The following ABCC4 variants were observed in gnomAD, a reference collection of about 807,000 sequenced individuals.
ABCC4 encodes ATP-binding cassette sub-family C member 4.
In ABCC4, 102 loss-of-function variants were observed where a neutral mutation model predicts 168.5. That is an observed-to-expected ratio of 0.61 (90% CI 0.52 to 0.71). The LOEUF (loss-of-function observed/expected upper bound fraction) is 0.71, where lower values mean the gene tolerates loss of function less well. Among genes scored for constraint, ABCC4 ranks in the 30% least tolerant of loss-of-function variants. The pLI is 0.00. For synonymous variants in ABCC4, 617 were observed against 590.7 expected (o/e 1.04, Z -0.65); for missense variants, 1,402 against 1,605.8 (o/e 0.87, Z 2.17).
chr13:95,210,589 T>C (rs1942984746), intron 5 of ABCC4, 103 bp downstream of exon 5: 5 of 950,210 alleles, frequency 5.3e-6, no homozygotes, highest in Non-Finnish European at 8.1e-6. Context: ...ATCCTGCCAC[T>C]GCAATCCAGT....
intron 25 of ABCC4, among the ~76,000 whole-genome samples, chr13:95,063,903 T>A (rs2033396277): frequency 6.6e-6 from 1 of 152,184 alleles, no homozygotes; most frequent in Non-Finnish European, 1.5e-5. Context: ...ATCCTCCTTA[T>A]TTAGAAATCT....
chr13:95,119,628 C>T (rs765594009), intron 19 of ABCC4, among the ~76,000 whole-genome samples: 1 of 152,040 alleles, frequency 6.6e-6, no homozygotes, highest in Non-Finnish European at 1.5e-5. Flanking sequence ...AAGTCACCTC[C>T]GGAATTCTGA....
In ABCC4 at chr13:95,253,327, T is replaced by A. The variant is rs568760529; in HGVS notation, c.75-5574A>T. Among the ~76,000 whole-genome samples the A allele has an allele frequency of 7.1e-4, 108 of 152,334 alleles. 1 individual carries two copies. Among genetic ancestry groups the A allele is most frequent in the Middle Eastern group, 3.4e-3 (1 of 294 alleles). The stretch of plus-strand genomic sequence containing the variant: ...AAAGGCTATTGCATTTCACTTTTTT[T>A]AAAAATCATGTTTTCCCCCCAGAGC... On this transcript the variant is annotated intron_variant, in intron 1 of 30. Coordinates refer to ENST00000645237, the MANE Select transcript of ABCC4 (RefSeq NM_005845.5).
At chr13:95,253,133 G>A (rs58763952) in intron 1 of ABCC4, among the ~76,000 whole-genome samples, 2,337 of 152,160 alleles carry the variant, frequency 0.015, 49 homozygotes, top group East Asian at 0.09. Flanking sequence ...ACGCCTCCAC[G>A]ATAGAAAGGT....
intron 19 of ABCC4, among the ~76,000 whole-genome samples, chr13:95,139,125 C>T (rs2036233685): frequency 6.6e-6 from 1 of 152,234 alleles, no homozygotes; most frequent in African/African-American, 2.4e-5. Flanking sequence ...CTTGGCCTAG[C>T]TCCAAACACA....
intron 26 of ABCC4, among the ~76,000 whole-genome samples, chr13:95,062,102 G>C (rs952545199): frequency 6.6e-6 from 1 of 152,128 alleles, no homozygotes; most frequent in Non-Finnish European, 1.5e-5. Flanking sequence ...TCTCACAATG[G>C]TGATCGTAAG....
chr13:95,072,226 C>T (rs1594048732), intron 24 of ABCC4, among the ~76,000 whole-genome samples: 1 of 152,130 alleles, frequency 6.6e-6, no homozygotes, highest in African/African-American at 2.4e-5. Context: ...TTTGGGAGGC[C>T]GGGGCAGGTG....
At chr13:95,029,193 TATATATATATATATATATATAG>T (rs1169486291) in intron 30 of ABCC4, among the ~76,000 whole-genome samples, 124 of 79,582 alleles carry the variant, frequency 1.6e-3, no homozygotes, top group African/African-American at 6.8e-3. Flanking sequence ...TATATATATA[TATATATATATATATATATATAG>T]AGAGAGAGAG....
chr13:95,063,652 T>G (rs1034990838), intron 25 of ABCC4, among the ~76,000 whole-genome samples: 1 of 152,180 alleles, frequency 6.6e-6, no homozygotes, highest in African/African-American at 2.4e-5. Context: ...AATTGCCCCT[T>G]GAGAAACATT....
At chr13:95,059,599 G>A (rs1195730365) in intron 26 of ABCC4, among the ~76,000 whole-genome samples, 1 of 152,082 alleles carries the variant, frequency 6.6e-6, no homozygotes, top group Non-Finnish European at 1.5e-5. Flanking sequence ...TGTTCCTTGT[G>A]AGAAAAACAT....
At chr13:95,134,378 T>C (rs1055497065) in intron 19 of ABCC4, among the ~76,000 whole-genome samples, 2 of 152,050 alleles carry the variant, frequency 1.3e-5, no homozygotes, top group African/African-American at 4.8e-5. Context: ...GGGCGAGTCT[T>C]GAGTTTAAAG....
intron 27 of ABCC4, among the ~76,000 whole-genome samples, chr13:95,052,732 T>C (rs2032895033): frequency 6.6e-6 from 1 of 152,254 alleles, no homozygotes; most frequent in African/African-American, 2.4e-5. Context: ...GGTCTTCCCT[T>C]ACTAGAAATT....
At chr13:95,160,467 G>A (rs1309559778) in intron 19 of ABCC4, among the ~76,000 whole-genome samples, 1 of 152,160 alleles carries the variant, frequency 6.6e-6, no homozygotes, top group Non-Finnish European at 1.5e-5. Context: ...AGCGCATAGT[G>A]CAGAGGCATC....
intron 20 of ABCC4, among the ~76,000 whole-genome samples, chr13:95,107,251 C>G (rs1214132317): frequency 6.6e-6 from 1 of 152,040 alleles, no homozygotes; most frequent in Non-Finnish European, 1.5e-5. Flanking sequence ...GAGTGAAACT[C>G]CTCTCAAAAA....
Position 95,105,018 on chromosome 13 carries a change from T to C in ABCC4, c.2535+10904A>G, listed in dbSNP as rs114996740. 3.6e-3 allele frequency among the ~76,000 whole-genome samples: 544 copies of C among 152,196 alleles called. 2 individuals carry two copies. The highest frequency in any genetic ancestry group is 0.012 in the African/African-American group (512 of 41,522). ...CTTTATTTCTATTATTATGTGGTAA[T>C]ATATAATGAAATAATTATACAACTT... On this transcript the variant is annotated intron_variant, in intron 20 of 30. Transcript: ENST00000645237.
chr13:95,122,757 C>A (rs2035617373), intron 19 of ABCC4, among the ~76,000 whole-genome samples: 1 of 152,184 alleles, frequency 6.6e-6, no homozygotes, highest in Admixed American at 6.5e-5. Context: ...CAGGAACCTG[C>A]CACTAATGCG....
At chr13:95,029,592 T>C (rs181242706) in intron 30 of ABCC4, among the ~76,000 whole-genome samples, 9 of 152,264 alleles carry the variant, frequency 5.9e-5, no homozygotes, top group Admixed American at 5.2e-4. Flanking sequence ...TGAGCATATA[T>C]CATTTGGTAA....
At chr13:95,037,545 G>A (rs74915652) in intron 29 of ABCC4, among the ~76,000 whole-genome samples, 15 of 152,298 alleles carry the variant, frequency 9.8e-5, no homozygotes, top group Non-Finnish European at 1.3e-4. Flanking sequence ...TGCACAAATC[G>A]GAAGATGGCA....
chr13:95,183,194 C>A (rs148012879), intron 11 of ABCC4, among the ~76,000 whole-genome samples: 40 of 151,572 alleles, frequency 2.6e-4, no homozygotes, highest in African/African-American at 9.7e-4. Flanking sequence ...CTACTATTTA[C>A]CAAAAACCTG....
Sources: allele counts gnomAD v4.1 joint callset (sites outside exome capture counted in the v4.1 genomes callset), GRCh38; gene constraint gnomAD v4.1.1; transcripts MANE v1.5; gene names NCBI Gene and HGNC (gene_info 2026-07-23, HGNC 2026-07-21).